Variants in PDE3B observed in about 807,000 individuals in gnomAD.
The protein encoded by PDE3B is phosphodiesterase 3B, also known as cGMP-inhibited 3',5'-cyclic phosphodiesterase 3B.
A neutral mutation model predicts 116.8 loss-of-function variants in PDE3B; 66 were observed. The observed-to-expected ratio is 0.56, with a 90% CI of 0.46 to 0.69. PDE3B has a LOEUF of 0.69. PDE3B is among the 30% of genes least tolerant of loss of function. The pLI is 0.00. For synonymous variants in PDE3B, 595 were observed against 533.6 expected, an observed-to-expected ratio of 1.12 and a Z score of -1.59; for missense variants, 1,384 against 1,368.1, an observed-to-expected ratio of 1.01 and a Z score of -0.18.
the PDE3B span, among the ~76,000 whole-genome samples, chr11:14,889,164 GTTTTT>G: frequency 7.8e-5 from 11 of 140,178 alleles, no homozygotes; most frequent in Non-Finnish European, 1.2e-4. Context: ...AAGTCCAGTT[GTTTTT>G]TTTTTTTTTT....
At chr11:14,759,548 G>GTT (rs1212052756) in intron 1 of PDE3B, among the ~76,000 whole-genome samples, 2,233 of 129,128 alleles carry the variant, frequency 0.017, 33 homozygotes, top group Non-Finnish European at 0.022. Context: ...ATCAGAAGTA[G>GTT]TTTTTTTTTT....
At chr11:14,655,106 G>A (rs1330674506) in intron 1 of PDE3B, among the ~76,000 whole-genome samples, 1 of 152,044 alleles carries the variant, frequency 6.6e-6, no homozygotes, top group African/African-American at 2.4e-5. Flanking sequence ...TTTTCTGACT[G>A]TATACTCTTT....
intron 1 of PDE3B, among the ~76,000 whole-genome samples, chr11:14,751,650 A>G (rs1216457401): frequency 6.6e-6 from 1 of 152,208 alleles, no homozygotes; most frequent in Non-Finnish European, 1.5e-5. Context: ...GAAGTGGTCA[A>G]GAGTGAGACA....
intron 1 of PDE3B, among the ~76,000 whole-genome samples, chr11:14,749,370 T>C (rs1856996406): frequency 6.6e-6 from 1 of 152,160 alleles, no homozygotes. Flanking sequence ...ACTGATCCAA[T>C]GATGAGTAAC....
intron 12 of PDE3B, among the ~76,000 whole-genome samples, chr11:14,849,337 C>T (rs1489220578): frequency 6.6e-6 from 1 of 151,720 alleles, no homozygotes; most frequent in African/African-American, 2.4e-5. Context: ...AAAATTAATT[C>T]AAGATGGATT....
Position 14,716,071 on chromosome 11 carries a change from C to T in PDE3B, c.979-55866C>T, listed in dbSNP as rs544814304. Among the ~76,000 whole-genome samples, 275 of 152,158 alleles carry T rather than the reference C, an allele frequency of 1.8e-3. 1 individual carries two copies. The highest frequency in any genetic ancestry group is 6.2e-3 in the African/African-American group (258 of 41,514). On this transcript the variant is annotated intron_variant, in intron 1 of 15. Coordinates refer to ENST00000282096, the MANE Select transcript of PDE3B (RefSeq NM_000922.4). ...CAGGCCAGTGGGTGTGCGCACCGTG[C>T]GCGAGCCGAAGCAGGGCGAGGCATT...
At chr11:14,724,275 T>C (rs942519536) in intron 1 of PDE3B, among the ~76,000 whole-genome samples, 7 of 152,156 alleles carry the variant, frequency 4.6e-5, no homozygotes, top group Admixed American at 3.9e-4. Flanking sequence ...TCTGTGTGTA[T>C]GATGATGCTA....
At chr11:14,891,735 G>C in the PDE3B span, 1 of 1,328,358 alleles carries the variant, frequency 7.5e-7, no homozygotes. Flanking sequence ...ATCAGGACTG[G>C]ATCGCCTCGG....
At chr11:14,772,051 G>C (rs776314699) in intron 2 of PDE3B, 64 bp downstream of exon 2, 1 of 730,854 alleles carries the variant, frequency 1.4e-6, no homozygotes, top group South Asian at 1.9e-5. Flanking sequence ...AATAATATCT[G>C]TGATGCAACT....
At chr11:14,672,025 A>C (rs1360911407) in intron 1 of PDE3B, among the ~76,000 whole-genome samples, 1 of 116,610 alleles carries the variant, frequency 8.6e-6, no homozygotes. Context: ...TTGAAAAAAA[A>C]AAAATATATA....
At chr11:14,804,088 C>A in intron 5 of PDE3B, 38 bp downstream of exon 5, 3 of 1,094,742 alleles carry the variant, frequency 2.7e-6, no homozygotes, top group Non-Finnish European at 4.2e-6. Context: ...TATGGGGGTT[C>A]TCAAAGTATA....
rs1859390956 is a variant in PDE3B, at chr11:14,818,196, T to G, written c.1536T>G (p.Ser512Arg). The change falls in exon 6 of 16, where the codon AGT (serine) becomes AGG (arginine). Residue 512 changes from serine to arginine, a missense_variant. Physicochemically the swap from Ser to Arg is moderately radical, Grantham distance 110. Coordinates refer to ENST00000282096, the MANE Select transcript of PDE3B (RefSeq NM_000922.4). ...VGLRRAGVLS[S>R]LSPVNSSNHG... ...TAATTTTTAAAGGTGTTTTGTCCAGTCTGAGTCCTGTGAATTCTTCCAACC... is the reference window on the plus strand; with the variant it reads ...TAATTTTTAAAGGTGTTTTGTCCAGGCTGAGTCCTGTGAATTCTTCCAACC... The G allele has an allele frequency of 6.2e-6, 10 of 1,610,090 alleles. No individual in the cohort carries two copies. Among genetic ancestry groups the G allele is most frequent in the Admixed American group, 3.3e-5 (2 of 59,954 alleles).
At position 14,753,893 on chromosome 11, in the gene PDE3B, T is replaced by C. The variant is rs1400430213; in HGVS notation, c.979-18044T>C. Reference sequence around the variant, plus strand: ...GGAAATTGAAAAGCAAGACTTGTTATAAAAATAGTTCATTCCATACCAATA... The same window carrying C: ...GGAAATTGAAAAGCAAGACTTGTTACAAAAATAGTTCATTCCATACCAATA... On this transcript the variant is annotated intron_variant, in intron 1 of 15. Transcript: ENST00000282096. Among the ~76,000 whole-genome samples the C allele has an allele frequency of 3.9e-5, 6 of 152,104 alleles. No homozygotes were observed. In the South Asian group the frequency reaches 6.2e-4, roughly 16 times the overall value.
intron 1 of PDE3B, among the ~76,000 whole-genome samples, chr11:14,713,183 G>A (rs1855759822): frequency 1.3e-5 from 2 of 152,106 alleles, no homozygotes; most frequent in South Asian, 2.1e-4. Context: ...TAATTACATA[G>A]GTGTTATATA....
At chr11:14,792,530 C>A (rs1278901782) in intron 4 of PDE3B, among the ~76,000 whole-genome samples, 2 of 151,972 alleles carry the variant, frequency 1.3e-5, no homozygotes, top group Admixed American at 6.6e-5. Flanking sequence ...TAAAAATAAT[C>A]AGAAGAAAGA....
At chr11:14,724,214 G>C (rs1396526910) in intron 1 of PDE3B, among the ~76,000 whole-genome samples, 1 of 152,144 alleles carries the variant, frequency 6.6e-6, no homozygotes, top group Non-Finnish European at 1.5e-5. Flanking sequence ...TTACCAGGGG[G>C]TTGGGGAGAA....
At chr11:14,704,815 A>C (rs1855480776) in intron 1 of PDE3B, among the ~76,000 whole-genome samples, 1 of 151,872 alleles carries the variant, frequency 6.6e-6, no homozygotes, top group Middle Eastern at 3.4e-3. Context: ...AGAAGAAAAC[A>C]TAGAACACAG....
chr11:14,647,105 G>T (rs1590026967), intron 1 of PDE3B, among the ~76,000 whole-genome samples: 1 of 151,888 alleles, frequency 6.6e-6, no homozygotes, highest in South Asian at 2.1e-4. Flanking sequence ...CTTTTTGTTT[G>T]CATGTATATT....
At chr11:14,769,198 G>T (rs1297698649) in intron 1 of PDE3B, among the ~76,000 whole-genome samples, 7 of 151,364 alleles carry the variant, frequency 4.6e-5, no homozygotes, top group Admixed American at 3.3e-4. Flanking sequence ...CAGGAAGAGT[G>T]AATTTATTGA....
Sources: allele counts gnomAD v4.1 joint callset (sites outside exome capture counted in the v4.1 genomes callset), GRCh38; gene constraint gnomAD v4.1.1; transcripts MANE v1.5; gene names NCBI Gene and HGNC (gene_info 2026-07-23, HGNC 2026-07-21).